Variants in KRT33A observed in about 807,000 individuals in gnomAD.
KRT33A encodes the protein keratin 33A, also known as keratin, type I cuticular Ha3-I.
Under a neutral mutation model 41.1 loss-of-function variants are expected in KRT33A, and 44 were observed. The observed-to-expected ratio is 1.07, with a 90% confidence interval of 0.84 to 1.38. KRT33A has a LOEUF of 1.38. Among genes scored for constraint, KRT33A ranks in the 40% most tolerant of loss-of-function variants. The probability of loss-of-function intolerance (pLI) is 0.00; values close to 1 mark genes in which losing one functional copy is unlikely to be tolerated. For missense variants in KRT33A, 536 were observed against 518.5 expected, an observed-to-expected ratio of 1.03 and a Z score of -0.33; for synonymous variants, 229 against 227.8, an observed-to-expected ratio of 1.01 and a Z score of -0.05.
intron 3 of KRT33A, among the ~76,000 whole-genome samples, chr17:41,347,704 A>T (rs1401519162): frequency 6.6e-6 from 1 of 152,224 alleles, no homozygotes; most frequent in Non-Finnish European, 1.5e-5. Flanking sequence ...ACCAGCATAG[A>T]TTTTGCTGAA....
In KRT33A at chr17:41,350,736, C is replaced by T; in HGVS notation, c.32G>A (p.Ser11Asn). 1 of 1,611,876 alleles carries T rather than the reference C, an allele frequency of 6.2e-7. No individual in the cohort carries two copies. The highest frequency in any genetic ancestry group is 8.5e-7 in the Non-Finnish European group (1 of 1,179,652). Residue 11 changes from serine to asparagine, a missense_variant, in exon 1 of 7, where the codon AGC becomes AAC. By Grantham distance (46) the Ser-to-Asn change is conservative (BLOSUM62 1). Transcript: ENST00000007735. The part of the protein sequence containing the change: MSYSCGLPSL[S>N]CRTSCSSRPC... Reference sequence around the variant, plus strand: ...CCGGGAGGAGCAGCTGGTGCGGCAGCTCAGGCTGGGCAGGCCACAACTGTA... The same window carrying T: ...CCGGGAGGAGCAGCTGGTGCGGCAGTTCAGGCTGGGCAGGCCACAACTGTA...
intron 1 of KRT33A, among the ~76,000 whole-genome samples, chr17:41,350,129 A>C (rs940700873): frequency 2.0e-5 from 3 of 152,132 alleles, no homozygotes; most frequent in African/African-American, 7.2e-5. Context: ...CTTTTCTCTC[A>C]CCTCAGGGTA....
intron 5 of KRT33A, 65 bp downstream of exon 5, chr17:41,346,779 G>A (rs2017427155): frequency 6.2e-7 from 1 of 1,608,932 alleles, no homozygotes; most frequent in Non-Finnish European, 8.5e-7. Flanking sequence ...GTGGCCCCAA[G>A]GGCATCCCCA....
intron 6 of KRT33A, 50 bp downstream of exon 6, chr17:41,346,398 C>T: frequency 6.2e-7 from 1 of 1,609,160 alleles, no homozygotes. Context: ...TATTCATCTC[C>T]ACAGCAACCT....
At chr17:41,347,632 T>C (rs1355906386) in intron 3 of KRT33A, among the ~76,000 whole-genome samples, 2 of 152,278 alleles carry the variant, frequency 1.3e-5, no homozygotes, top group African/African-American at 4.8e-5. Context: ...AAATACAGAA[T>C]GCTTACTTCA....
chr17:41,349,248 C>A, intron 2 of KRT33A, 98 bp downstream of exon 2: 1 of 1,147,118 alleles, frequency 8.7e-7, no homozygotes, highest in South Asian at 1.3e-5. Context: ...GAACATAGCT[C>A]AGTCACTGTT....
At chr17:41,350,170 G>A (rs533009141) in intron 1 of KRT33A, among the ~76,000 whole-genome samples, 1 of 152,300 alleles carries the variant, frequency 6.6e-6, no homozygotes, top group East Asian at 1.9e-4. Flanking sequence ...GTGCATGGAA[G>A]CATTCAGAGG....
In KRT33A at chr17:41,350,545, G is replaced by A. The variant is rs562670584; in HGVS notation, c.223C>T (p.Arg75Cys). Residue 75 changes from arginine (R) to cysteine (C), a missense_variant, in exon 1 of 7, where the codon CGT becomes TGT. By Grantham distance (180) the Arg-to-Cys change is radical. Coordinates refer to ENST00000007735, the MANE Select transcript of KRT33A (RefSeq NM_004138.4). ...DRLASYLEKVRQLERDNAELE... is the reference protein window; with the variant it reads ...DRLASYLEKVCQLERDNAELE... ...TCCGCGTTGTCCCGCTCCAGCTGAC[G>A]CACCTTCTCCAGGTAGCTGGCCAGG... The A allele has an allele frequency of 2.7e-5, 44 of 1,614,030 alleles. No homozygotes were observed. The highest frequency in any genetic ancestry group is 3.3e-4 in the Middle Eastern group (2 of 6,040).
Position 41,346,659 on chromosome 17 carries a change from G to C in KRT33A, c.886C>G (p.Leu296Val). 1 of 1,614,228 alleles carries C rather than the reference G, an allele frequency of 6.2e-7. No individual in the cohort carries two copies. Reference sequence around the variant, plus strand: ...TCGCTCTCTGTCAGCGTGTTTTCCAGAGAGTCTCGCTGTGGTGGGGAAGAT... The same window carrying C: ...TCGCTCTCTGTCAGCGTGTTTTCCACAGAGTCTCGCTGTGGTGGGGAAGAT... ...LQAQHNLRDSLENTLTESEAR... is the reference protein window; with the variant it reads ...LQAQHNLRDSVENTLTESEAR... The change falls in exon 6 of 7, where the codon CTG becomes GTG. Residue 296 changes from leucine to valine, a missense_variant. Leu to Val is a conservative substitution (Grantham distance 32). Transcript: ENST00000007735.
Position 41,347,055 on chromosome 17 carries a change from G to T in KRT33A, c.750+6C>A, listed in dbSNP as rs771964224. 5.2e-5 allele frequency: 84 copies of T among 1,612,888 alleles called. No individual in the cohort carries two copies. Among genetic ancestry groups the T allele is most frequent in the Non-Finnish European group, 6.9e-5 (81 of 1,179,300 alleles). On this transcript the variant is annotated splice_donor_region_variant and intron_variant, in intron 4 of 6. Coordinates refer to ENST00000007735, the MANE Select transcript of KRT33A (RefSeq NM_004138.4). ...GTCCTGAGTGGCCACGTGCTTAGATGCCCACCTGCGTGGCGAACCATTGCT... is the reference window on the plus strand; with the variant it reads ...GTCCTGAGTGGCCACGTGCTTAGATTCCCACCTGCGTGGCGAACCATTGCT...
In KRT33A at chr17:41,346,219, C is replaced by T. The variant is rs772927115; in HGVS notation, c.1115G>A (p.Cys372Tyr). ...CTTGTCACATGCATTGGTTGTGGCG[C>T]AGGGGTTGGAGGGGAGCCTGTGGGC... ...SEDCKLPSNP[C>Y]ATTNACDKST... The change falls in exon 7 of 7, where the codon TGC (cysteine) becomes TAC (tyrosine). Residue 372 changes from cysteine (C) to tyrosine (Y), a missense_variant. Physicochemically the swap from Cys to Tyr is radical, Grantham distance 194. Coordinates refer to ENST00000007735, the MANE Select transcript of KRT33A (RefSeq NM_004138.4). The T allele has an allele frequency of 1.8e-4, 297 of 1,613,950 alleles. 3 individuals carry two copies. In the South Asian group the frequency reaches 3.1e-3, roughly 17 times the overall value.
chr17:41,349,389 GCAC>G lies in KRT33A; in HGVS notation c.385_387del (p.Val129del), dbSNP rs988009678. The G allele has an allele frequency of 5.0e-6, 8 of 1,613,868 alleles. No homozygotes were observed. The African/African-American group carries it at 1.1e-4, about 22-fold the overall frequency. On this transcript the variant is annotated inframe_deletion, in exon 2 of 7. Coordinates refer to ENST00000007735, the MANE Select transcript of KRT33A (RefSeq NM_004138.4). Reference sequence around the variant, plus strand: ...GAGGCCAGCTTGGCATTGTCGATCTGCACCACAAGCCTGGCATTCTCAGACTTG... The same window carrying G: ...GAGGCCAGCTTGGCATTGTCGATCTGCACAAGCCTGGCATTCTCAGACTTG...
At chr17:41,346,807 T>G (rs1469140766) in intron 5 of KRT33A, 37 bp downstream of exon 5, 1 of 1,610,018 alleles carries the variant, frequency 6.2e-7, no homozygotes, top group Non-Finnish European at 8.5e-7. Flanking sequence ...GCCTCCCAAG[T>G]TCCCATCGCT....
intron 1 of KRT33A, 88 bp downstream of exon 1, chr17:41,350,332 C>T (rs900828905): frequency 6.8e-5 from 101 of 1,483,906 alleles, no homozygotes; most frequent in Middle Eastern, 1.8e-4. Flanking sequence ...TTTTCATTCA[C>T]ATCAAGAGCT....
In KRT33A at chr17:41,348,533, C is replaced by T. The variant is rs1350408496; in HGVS notation, c.538G>A (p.Val180Met). The change falls in exon 3 of 7, where the codon GTG becomes ATG. Residue 180 changes from valine (V) to methionine (M), a missense_variant. By Grantham distance (21) the Val-to-Met change is conservative. Transcript: ENST00000007735. The part of the protein sequence containing the change: ...TLCRSDLEAQ[V>M]ESLKEELLCL... The stretch of plus-strand genomic sequence containing the variant: ...AGCAGCTCCTCCTTCAGGGACTCCA[C>T]CTGGGCCTCCAGGTCAGACCTGCAC... 5 of 1,614,066 alleles carry T rather than the reference C, an allele frequency of 3.1e-6. No individual in the cohort carries two copies. In the South Asian group the frequency reaches 3.3e-5, roughly 11 times the overall value.
rs200739515 is a variant in KRT33A at position 41,346,481 on chromosome 17, G to C, written c.1064C>G (p.Thr355Arg). 3 of 1,613,996 alleles carry C rather than the reference G, an allele frequency of 1.9e-6. No homozygotes were observed. The highest frequency in any genetic ancestry group is 3.3e-5 in the Admixed American group (2 of 60,010). ...CTCGCTCTCCAGCAGGCTCCGGTAC[G>C]TGTTGATCTCACACTCCAGCCGCGC... ...VRARLECEIN[T>R]YRSLLESEDC... The change falls in exon 6 of 7, where the codon ACG (threonine) becomes AGG (arginine). Residue 355 changes from threonine to arginine, a missense_variant. Coordinates refer to ENST00000007735, the MANE Select transcript of KRT33A (RefSeq NM_004138.4).
At chr17:41,346,278 G>A (rs1318178078) in intron 6 of KRT33A, 42 bp from the exon 7 acceptor site, 1 of 1,593,870 alleles carries the variant, frequency 6.3e-7, no homozygotes, top group South Asian at 1.1e-5. Context: ...AGTAAAATGA[G>A]CTGAAGAGAT....
rs1169801796 is a variant in KRT33A, at chr17:41,347,135, T to C, written c.676A>G (p.Asn226Asp). 6.2e-7 allele frequency: 1 copy of C among 1,614,210 alleles called. No individual in the cohort carries two copies. Among genetic ancestry groups the C allele is most frequent in the South Asian group, 1.1e-5 (1 of 91,090 alleles). Residue 226 changes from asparagine to aspartate, a missense_variant, in exon 4 of 7, where the codon AAT becomes GAT. By Grantham distance (23) the Asn-to-Asp change is conservative. Coordinates refer to ENST00000007735, the MANE Select transcript of KRT33A (RefSeq NM_004138.4). ...APTVDLNQVLNETRSQYEALV... is the reference protein window; with the variant it reads ...APTVDLNQVLDETRSQYEALV... ...GCCTCATACTGACTCCTGGTCTCATTCAGGACCTGGTTCAGGTCCACAGTG... is the reference window on the plus strand; with the variant it reads ...GCCTCATACTGACTCCTGGTCTCATCCAGGACCTGGTTCAGGTCCACAGTG...
In KRT33A at chr17:41,346,665, C is replaced by A. The variant is rs144588166; in HGVS notation, c.880G>T (p.Asp294Tyr). 1.6e-3 allele frequency: 2,607 copies of A among 1,614,166 alleles called. 1 individual carries two copies. Among genetic ancestry groups the A allele is most frequent in the Non-Finnish European group, 2.0e-3 (2,349 of 1,180,010 alleles). The change falls in exon 6 of 7, where the codon GAC (aspartate) becomes TAC (tyrosine). Residue 294 changes from aspartate to tyrosine, a missense_variant. By Grantham distance (160) the Asp-to-Tyr change is radical. Transcript: ENST00000007735. ...TCTGTCAGCGTGTTTTCCAGAGAGT[C>A]TCGCTGTGGTGGGGAAGATTGAGAG... is the stretch of plus-strand genomic sequence containing the variant. The part of the protein sequence containing the change: ...IELQAQHNLR[D>Y]SLENTLTESE...
Sources: gnomAD v4.1 joint callset for allele counts (sites outside exome capture counted in the v4.1 genomes callset) on GRCh38, gnomAD v4.1.1 for gene constraint, MANE v1.5 for transcripts, NCBI Gene and HGNC (gene_info 2026-07-23, HGNC 2026-07-21) for gene names.